FCMR: variants seen among roughly 807,000 people sequenced by gnomAD.
FCMR encodes the protein Fc mu receptor.
Under a neutral mutation model 41.6 loss-of-function variants are expected in FCMR, and 34 were observed. The ratio of observed to expected loss-of-function variants is 0.82; its 90% CI spans 0.62 to 1.09. The LOEUF is 1.09. Ranked by LOEUF, FCMR falls within the 50% of genes least tolerant of loss-of-function variation. The probability of loss-of-function intolerance (pLI) is 0.00; values close to 1 mark genes in which losing one functional copy is unlikely to be tolerated. For synonymous variants in FCMR, 209 were observed against 211.8 expected (o/e 0.99, Z 0.12); for missense variants, 496 against 512.5 (o/e 0.97, Z 0.31).
chr1:206,904,246 G>C lies in FCMR; in HGVS notation c.*773C>G, dbSNP rs1678520674. The C allele has an allele frequency of 6.6e-6, 1 of 151,368 alleles. No homozygotes were observed. The highest frequency in any genetic ancestry group is 1.5e-5 in the Non-Finnish European group (1 of 67,960). The allele number at this position is 151,368 out of a possible 1,614,324, so 9.4% of individuals were successfully genotyped here. On this transcript the variant is annotated 3_prime_UTR_variant, in exon 8 of 8. Coordinates refer to ENST00000367091, the MANE Select transcript of FCMR (RefSeq NM_005449.5). ...GATGAATAAAATAGACCAAAGTTAAGGTAAGTGCACAAATATCAGTGTCAG... is the reference window on the plus strand; with the variant it reads ...GATGAATAAAATAGACCAAAGTTAACGTAAGTGCACAAATATCAGTGTCAG...
intron 3 of FCMR, among the ~76,000 whole-genome samples, chr1:206,912,496 T>C (rs1465490338): frequency 6.6e-6 from 1 of 152,232 alleles, no homozygotes; most frequent in Non-Finnish European, 1.5e-5. Context: ...AGTATGAACA[T>C]CCTTAATCTT....
rs150066058 is a variant in FCMR, at chr1:206,912,975, C to A, written c.441G>T (p.Leu147Phe). ...ETPKWFHLPYLFQMPAYASSS... is the reference protein window; with the variant it reads ...ETPKWFHLPYFFQMPAYASSS... ...AACTGGCATATGCAGGCATCTGGAA[C>A]AAATAGGGCAGATGAAACCATTTTG... Residue 147 changes from leucine (L) to phenylalanine (F), a missense_variant, in exon 3 of 8, where the codon TTG (leucine) becomes TTT (phenylalanine). By Grantham distance (22) the Leu-to-Phe change is conservative. Transcript: ENST00000367091. The A allele has an allele frequency of 8.1e-6, 13 of 1,613,836 alleles. No homozygotes were observed. In the African/African-American group the frequency reaches 1.3e-4, roughly 17 times the overall value.
chr1:206,909,293 G>A lies in FCMR; in HGVS notation c.1044+169C>T, dbSNP rs1215185401. On this transcript the variant is annotated intron_variant, in intron 7 of 7. Transcript: ENST00000367091. The surrounding 1 kb of genome is among the most constrained non-coding windows in gnomAD (Gnocchi z 5.0). ...ATTCAACCTCCTGACACCAAACAAG[G>A]AGGAAACTAAAACAACTTGTTCCTC... Among the ~76,000 whole-genome samples the A allele has an allele frequency of 6.6e-6, 1 of 152,178 alleles. No homozygotes were observed. Among genetic ancestry groups the A allele is most frequent in the Non-Finnish European group, 1.5e-5 (1 of 68,028 alleles).
At chr1:206,920,641 T>C (rs1274168460) in intron 1 of FCMR, among the ~76,000 whole-genome samples, 1 of 152,038 alleles carries the variant, frequency 6.6e-6, no homozygotes, top group Non-Finnish European at 1.5e-5. Context: ...GGGAGGAGTG[T>C]ATATTGACTT....
chr1:206,905,531 C>A (rs1678598463), intron 7 of FCMR, among the ~76,000 whole-genome samples: 2 of 152,108 alleles, frequency 1.3e-5, no homozygotes, highest in Admixed American at 1.3e-4. Context: ...ACCCTCAGCA[C>A]CTCTGTAAGG....
At position 206,917,705 on chromosome 1, in the gene FCMR, C is replaced by T. The variant is rs1246873612; in HGVS notation, c.38-3611G>A. 3 of 418,376 alleles carry T rather than the reference C, an allele frequency of 7.2e-6. 1 individual carries two copies. The highest frequency in any genetic ancestry group is 3.5e-5 in the South Asian group (2 of 56,830). 25.9% of individuals were successfully genotyped at this position (418,376 alleles called of 1,614,324 possible). On this transcript the variant is annotated intron_variant, in intron 1 of 7. Coordinates refer to ENST00000367091, the MANE Select transcript of FCMR (RefSeq NM_005449.5). ...GCAGTGGTGCAATCTTGGCTCACTG[C>T]AGCCTCCACTTCCTGGGCTCAATTG...
chr1:206,915,414 G>T (rs1376247846), intron 1 of FCMR, among the ~76,000 whole-genome samples: 1 of 152,158 alleles, frequency 6.6e-6, no homozygotes, highest in Non-Finnish European at 1.5e-5. Context: ...GGAGGCAGGG[G>T]ACATAGGAGG....
At position 206,904,950 on chromosome 1, in the gene FCMR, A is replaced by G. The variant is rs941461311; in HGVS notation, c.*69T>C. ...AGAACACATGAAGCAGGTATTGGAC[A>G]TCAGCAGATAGATGAGACTCCTTGG... On this transcript the variant is annotated 3_prime_UTR_variant, in exon 8 of 8. Transcript: ENST00000367091. 31 of 1,530,142 alleles carry G rather than the reference A, an allele frequency of 2.0e-5. No individual in the cohort carries two copies. The African/African-American group carries it at 4.1e-4, about 20-fold the overall frequency. The allele number at this position is 1,530,142 out of a possible 1,614,324, so 94.8% of individuals were successfully genotyped here. A position where few individuals can be genotyped will look rare whatever the true frequency, so the allele number is the denominator to read the frequency against.
Position 206,905,040 on chromosome 1 carries a change from G to C in FCMR, c.1152C>G (p.Asp384Glu). The C allele has an allele frequency of 1.2e-6, 2 of 1,614,126 alleles. No homozygotes were observed. The highest frequency in any genetic ancestry group is 1.7e-6 in the Non-Finnish European group (2 of 1,180,020). The change falls in exon 8 of 8, where the codon GAC becomes GAG. Residue 384 changes from aspartate (D) to glutamate (E), a missense_variant. Physicochemically the swap from Asp to Glu is conservative, Grantham distance 45. Transcript: ENST00000367091. ...AAMMEDSDSDDYINVPA is the reference protein window; with the variant it reads ...AAMMEDSDSDEYINVPA ...GTTGTCAGGCAGGAACATTGATGTA[G>C]TCATCTGAATCACTGTCCTCCATCA...
rs530947879 is a variant in FCMR, at chr1:206,903,792, T to C, written c.*1227A>G. On this transcript the variant is annotated 3_prime_UTR_variant, in exon 8 of 8. Coordinates refer to ENST00000367091, the MANE Select transcript of FCMR (RefSeq NM_005449.5). ...TTGAGTGTCAAGCTGACCTTGCTGA[T>C]GGTGACATTGCACCTGGATGTACTA... The C allele has an allele frequency of 1.4e-4, 22 of 152,446 alleles. No homozygotes were observed. The highest frequency in any genetic ancestry group is 5.2e-4 in the Admixed American group (8 of 15,300). The allele number at this position is 152,446 out of a possible 1,614,324, so 9.4% of individuals were successfully genotyped here.
intron 1 of FCMR, among the ~76,000 whole-genome samples, chr1:206,914,624 G>A (rs1158152406): frequency 6.6e-6 from 1 of 151,796 alleles, no homozygotes; most frequent in African/African-American, 2.4e-5. Context: ...TAGAGATGGG[G>A]TTTTCATTAT....
chr1:206,912,325 T>C (rs1402633127), intron 3 of FCMR, among the ~76,000 whole-genome samples: 2 of 152,230 alleles, frequency 1.3e-5, no homozygotes, highest in Non-Finnish European at 2.9e-5. Context: ...CATGATCTGT[T>C]CAATTACACT....
rs1678855642 is a variant in FCMR at position 206,909,997 on chromosome 1, G to A, written c.842-129C>T. 8.4e-7 allele frequency: 1 copy of A among 1,184,388 alleles called. No individual in the cohort carries two copies. Among genetic ancestry groups the A allele is most frequent in the Non-Finnish European group, 1.1e-6 (1 of 896,370 alleles). 73.4% of individuals were successfully genotyped at this position (1,184,388 alleles called of 1,614,324 possible). Reference sequence around the variant, plus strand: ...GACCTGGAGATGCTCCAAGCGTGGGGAATGTACGAGGCACGGCCTTGCCCT... The same window carrying A: ...GACCTGGAGATGCTCCAAGCGTGGGAAATGTACGAGGCACGGCCTTGCCCT... On this transcript the variant is annotated intron_variant, in intron 5 of 7. Coordinates refer to ENST00000367091, the MANE Select transcript of FCMR (RefSeq NM_005449.5). This position sits in a 1 kb window ranked among gnomAD's most constrained non-coding sequence, Gnocchi z 5.0.
intron 1 of FCMR, among the ~76,000 whole-genome samples, chr1:206,918,681 G>GTGTGTC (rs765319190): frequency 1.1e-4 from 16 of 149,794 alleles, no homozygotes; most frequent in Non-Finnish European, 8.8e-5. Context: ...GTGTGTGTGT[G>GTGTGTC]TGTGTCTGTG....
At chr1:206,907,730 T>C (rs1048688667) in intron 7 of FCMR, 2 of 981,448 alleles carry the variant, frequency 2.0e-6, no homozygotes, top group African/African-American at 3.2e-5. Flanking sequence ...TGTCGTACGC[T>C]GGGAGGGCAT....
chr1:206,915,370 G>A (rs1452298531), intron 1 of FCMR, among the ~76,000 whole-genome samples: 1 of 152,194 alleles, frequency 6.6e-6, no homozygotes, highest in African/African-American at 2.4e-5. Flanking sequence ...GAATGGGTAT[G>A]GAGTGCAACT....
chr1:206,914,353 CCTTT>C (rs1252889484), intron 1 of FCMR, among the ~76,000 whole-genome samples: 28 of 132,592 alleles, frequency 2.1e-4, no homozygotes, highest in South Asian at 2.6e-4. Context: ...TTCCTTCCTT[CCTTT>C]CTTTCTTTTT....
intron 7 of FCMR, among the ~76,000 whole-genome samples, chr1:206,907,077 A>G (rs1678681102): frequency 5.1e-5 from 1 of 19,660 alleles, no homozygotes; most frequent in African/African-American, 2.3e-4. Flanking sequence ...AAGCCGGAGA[A>G]GCCGGGGGGT....
chr1:206,907,755 A>G, intron 7 of FCMR: 1 of 1,170,334 alleles, frequency 8.5e-7, no homozygotes, highest in South Asian at 1.2e-5. Flanking sequence ...ATTTCTGGCA[A>G]TTTCTACAGA....
Sources: allele counts gnomAD v4.1 joint callset (sites outside exome capture counted in the v4.1 genomes callset), GRCh38; gene constraint gnomAD v4.1.1; non-coding constraint Gnocchi (gnomAD v3.1); transcripts MANE v1.5; gene names NCBI Gene and HGNC (gene_info 2026-07-23, HGNC 2026-07-21).